PTPRJ: variants seen among roughly 807,000 people sequenced by gnomAD.
PTPRJ encodes the protein protein tyrosine phosphatase receptor type J, also known as receptor-type tyrosine-protein phosphatase eta.
Under a neutral mutation model 141.3 loss-of-function variants are expected in PTPRJ, and 129 were observed. The observed-to-expected ratio is 0.91, with a 90% CI of 0.79 to 1.06. PTPRJ has a LOEUF of 1.06. Among genes scored for constraint, PTPRJ ranks in the 50% least tolerant of loss-of-function variants. The pLI is 0.00. For synonymous variants in PTPRJ, 610 were observed against 640.5 expected (o/e 0.95, Z 0.72); for missense variants, 1,601 against 1,679.7 (o/e 0.95, Z 0.82).
At chr11:48,037,742 G>A (rs1057471860) in intron 1 of PTPRJ, among the ~76,000 whole-genome samples, 1 of 152,120 alleles carries the variant, frequency 6.6e-6, no homozygotes, top group Non-Finnish European at 1.5e-5. Context: ...GAACCCAGGA[G>A]GCAGAGGTTG....
At position 48,168,104 on chromosome 11, in the gene PTPRJ, TC is replaced by T. The variant is rs1857963014; in HGVS notation, c.*745del. 1 of 152,050 alleles carries T rather than the reference TC, an allele frequency of 6.6e-6. No individual in the cohort carries two copies. Among genetic ancestry groups the T allele is most frequent in the Non-Finnish European group, 1.5e-5 (1 of 68,034 alleles). The allele number at this position is 152,050 out of a possible 1,614,324, so 9.4% of individuals were successfully genotyped here. ...TTGTGCTCCATTTTTTCTTCCCTTT[TC>T]CCTCCCAGTTTTCTCCAAAGACTCT... On this transcript the variant is annotated 3_prime_UTR_variant, in exon 25 of 25. Transcript: ENST00000418331.
chr11:48,109,516 T>C (rs1856385607), intron 1 of PTPRJ, among the ~76,000 whole-genome samples: 1 of 152,212 alleles, frequency 6.6e-6, no homozygotes, highest in South Asian at 2.1e-4. Context: ...AAATTTTTAC[T>C]GCCACCTACT....
intron 1 of PTPRJ, among the ~76,000 whole-genome samples, chr11:48,092,509 A>G (rs902945570): frequency 2.0e-5 from 3 of 151,354 alleles, no homozygotes; most frequent in African/African-American, 7.3e-5. Context: ...GGCTCACTGC[A>G]ACTTCTGCCT....
chr11:48,021,289 G>A (rs566275248), intron 1 of PTPRJ, among the ~76,000 whole-genome samples: 5 of 151,924 alleles, frequency 3.3e-5, no homozygotes, highest in South Asian at 2.1e-4. Context: ...CAGGAGAATC[G>A]CTTGAACCCA....
chr11:48,152,147 T>C (rs984931863), intron 18 of PTPRJ, among the ~76,000 whole-genome samples: 3 of 152,196 alleles, frequency 2.0e-5, no homozygotes, highest in Non-Finnish European at 4.4e-5. Flanking sequence ...TTCTAACTGG[T>C]GTGAGATGCT....
intron 1 of PTPRJ, among the ~76,000 whole-genome samples, chr11:48,047,622 C>G (rs1590437027): frequency 6.6e-6 from 1 of 152,004 alleles, no homozygotes; most frequent in Admixed American, 6.6e-5. Flanking sequence ...CCTGCCTCAG[C>G]CCCCCAAGTA....
At chr11:48,005,108 C>T (rs1854588739) in intron 1 of PTPRJ, among the ~76,000 whole-genome samples, 1 of 151,886 alleles carries the variant, frequency 6.6e-6, no homozygotes, top group Non-Finnish European at 1.5e-5. Flanking sequence ...TCTAATCCCA[C>T]CTGCTTGCGA....
chr11:48,021,726 C>T (rs1018260657), intron 1 of PTPRJ, among the ~76,000 whole-genome samples: 4 of 152,294 alleles, frequency 2.6e-5, no homozygotes, highest in Admixed American at 1.3e-4. Flanking sequence ...ATGAGTCTAG[C>T]GCTTTGAGCC....
At chr11:48,152,515 C>A (rs1857508825) in intron 18 of PTPRJ, among the ~76,000 whole-genome samples, 1 of 152,180 alleles carries the variant, frequency 6.6e-6, no homozygotes, top group Non-Finnish European at 1.5e-5. Flanking sequence ...GACGTAAAGT[C>A]CTTGCCCATG....
At chr11:48,004,543 CAG>C (rs1480469199) in intron 1 of PTPRJ, among the ~76,000 whole-genome samples, 4 of 152,208 alleles carry the variant, frequency 2.6e-5, no homozygotes, top group African/African-American at 4.8e-5. Context: ...ATGGGCTGGT[CAG>C]AGTTTCAAGT....
At chr11:48,039,165 AG>A (rs1448965825) in intron 1 of PTPRJ, among the ~76,000 whole-genome samples, 1 of 151,558 alleles carries the variant, frequency 6.6e-6, no homozygotes, top group East Asian at 1.9e-4. Context: ...AAAAAAAAAA[AG>A]AAAAAGACTA....
intron 1 of PTPRJ, among the ~76,000 whole-genome samples, chr11:48,006,655 G>A (rs1440776126): frequency 1.3e-5 from 2 of 152,108 alleles, no homozygotes; most frequent in African/African-American, 4.8e-5. Flanking sequence ...TTCCTACTGA[G>A]CATTACCTTA....
chr11:48,146,933 TG>T lies in PTPRJ; in HGVS notation c.2972del (p.Gly991GlufsTer30). On this transcript the variant is annotated frameshift_variant, in exon 15 of 25. Coordinates refer to ENST00000418331, the MANE Select transcript of PTPRJ (RefSeq NM_002843.4). LOFTEE classifies it high-confidence loss of function. ...TTTGGTGCCCTGGTTATTGTGACTG[TG>T]GGAGGCTTCATCTTCTGGAGAAAGA... ...CIFGALVIVT[V>X]GGFIFWRKKR... 1 of 1,614,132 alleles carries T rather than the reference TG, an allele frequency of 6.2e-7. No individual in the cohort carries two copies. The highest frequency in any genetic ancestry group is 8.5e-7 in the Non-Finnish European group (1 of 1,179,996).
intron 1 of PTPRJ, among the ~76,000 whole-genome samples, chr11:48,093,083 TCA>T (rs753047830): frequency 7.2e-5 from 11 of 152,372 alleles, no homozygotes; most frequent in Non-Finnish European, 1.3e-4. Context: ...ATAAATCAAC[TCA>T]GTGTGTTACT....
chr11:48,002,175 T>C (rs186766181), intron 1 of PTPRJ, among the ~76,000 whole-genome samples: 1 of 149,724 alleles, frequency 6.7e-6, no homozygotes, highest in East Asian at 2.0e-4. Flanking sequence ...TCTCGCTCTG[T>C]CACCCAGGCT....
chr11:48,140,330 G>A (rs1482657777), intron 11 of PTPRJ, among the ~76,000 whole-genome samples: 3 of 152,182 alleles, frequency 2.0e-5, no homozygotes, highest in African/African-American at 7.2e-5. Flanking sequence ...GCGCCTGGTC[G>A]TCTTTTAGCC....
chr11:47,993,609 A>G (rs1227592569), intron 1 of PTPRJ, among the ~76,000 whole-genome samples: 1 of 152,076 alleles, frequency 6.6e-6, no homozygotes, highest in Admixed American at 6.6e-5. Context: ...TGTAGTTTAA[A>G]TGATAACTTA....
At position 48,149,440 on chromosome 11, in the gene PTPRJ, A is replaced by G. The variant is rs201237326; in HGVS notation, c.3000-7A>G. ...TTGTCTAATGGGTCTCTTTTCTCTT[A>G]AAACAGGAAAGATGCAAAGAATAAT... On this transcript the variant is annotated splice_polypyrimidine_tract_variant and splice_region_variant and intron_variant, in intron 15 of 24. Coordinates refer to ENST00000418331, the MANE Select transcript of PTPRJ (RefSeq NM_002843.4). The G allele has an allele frequency of 4.6e-4, 698 of 1,510,360 alleles. 1 individual carries two copies. The highest frequency in any genetic ancestry group is 1.7e-3 in the Middle Eastern group (10 of 5,870). 93.6% of individuals were successfully genotyped at this position (1,510,360 alleles called of 1,614,324 possible).
intron 1 of PTPRJ, among the ~76,000 whole-genome samples, chr11:48,086,240 C>T (rs1041787062): frequency 2.6e-5 from 4 of 152,118 alleles, no homozygotes; most frequent in African/African-American, 9.7e-5. Flanking sequence ...GTGGCATGAT[C>T]TCGGCTCATT....
Sources: allele counts gnomAD v4.1 joint callset (sites outside exome capture counted in the v4.1 genomes callset), GRCh38; gene constraint gnomAD v4.1.1; transcripts MANE v1.5; gene names NCBI Gene and HGNC (gene_info 2026-07-23, HGNC 2026-07-21).